Variants in AUTS2 observed in about 807,000 individuals in gnomAD.
The protein encoded by AUTS2 is autism susceptibility gene 2 protein.
In AUTS2, 17 loss-of-function variants were observed where a neutral mutation model predicts 112.4. The ratio of observed to expected loss-of-function variants is 0.15; its 90% CI spans 0.10 to 0.23. The LOEUF (loss-of-function observed/expected upper bound fraction) is 0.23, where lower values mean the gene tolerates loss of function less well. Among genes scored for constraint, AUTS2 ranks in the 10% least tolerant of loss-of-function variants. AUTS2 has a pLI of 1.00. For missense variants in AUTS2, 1,510 were observed against 1,701.6 expected (o/e 0.89, Z 1.98); for synonymous variants, 751 against 702.7 (o/e 1.07, Z -1.09).
At chr7:70,707,405 A>G (rs745943867) in intron 6 of AUTS2, among the ~76,000 whole-genome samples, 2 of 152,144 alleles carry the variant, frequency 1.3e-5, no homozygotes, top group Admixed American at 6.5e-5. Flanking sequence ...AGCTCGGTCC[A>G]GCTGACTCCT....
intron 5 of AUTS2, among the ~76,000 whole-genome samples, chr7:70,659,690 C>T (rs1390739239): frequency 6.6e-6 from 1 of 152,176 alleles, no homozygotes; most frequent in Non-Finnish European, 1.5e-5. Flanking sequence ...GATCAGAGTC[C>T]CTGCCTTTGT....
At chr7:70,577,522 A>G (rs62455827) in intron 5 of AUTS2, among the ~76,000 whole-genome samples, 5,095 of 152,294 alleles carry the variant, frequency 0.033, 199 homozygotes, top group Non-Finnish European at 0.041. Flanking sequence ...TGTAGGGAAT[A>G]TGTAAGTGAT....
At chr7:69,885,977 T>C (rs1048573826) in intron 1 of AUTS2, among the ~76,000 whole-genome samples, 1 of 152,206 alleles carries the variant, frequency 6.6e-6, no homozygotes. Flanking sequence ...CACAGAGATA[T>C]TTGAAAGGCT....
chr7:69,740,279 T>A (rs1787206857), intron 1 of AUTS2, among the ~76,000 whole-genome samples: 1 of 152,186 alleles, frequency 6.6e-6, no homozygotes, highest in Admixed American at 6.5e-5. Flanking sequence ...ACCAGCGTCA[T>A]TTAGACAGGA....
intron 5 of AUTS2, among the ~76,000 whole-genome samples, chr7:70,466,933 GGAT>G (rs1462824898): frequency 6.6e-6 from 1 of 152,152 alleles, no homozygotes; most frequent in East Asian, 1.9e-4. Context: ...AGGTGAGAGA[GGAT>G]GGTGACTCAG....
At chr7:70,458,259 A>G (rs1796824781) in intron 5 of AUTS2, among the ~76,000 whole-genome samples, 1 of 152,154 alleles carries the variant, frequency 6.6e-6, no homozygotes, top group Non-Finnish European at 1.5e-5. Context: ...CCACATTGCT[A>G]AACTTCTATA....
At chr7:69,664,950 G>T (rs1488742847) in intron 1 of AUTS2, among the ~76,000 whole-genome samples, 1 of 152,124 alleles carries the variant, frequency 6.6e-6, no homozygotes, top group Non-Finnish European at 1.5e-5. Context: ...GTTAGTTCTG[G>T]AATCAAAGGG....
intron 2 of AUTS2, among the ~76,000 whole-genome samples, chr7:69,919,931 A>C (rs935118409): frequency 6.6e-6 from 1 of 152,164 alleles, no homozygotes; most frequent in Non-Finnish European, 1.5e-5. Flanking sequence ...TGCTGTGCAC[A>C]TGGTTATTAG....
intron 1 of AUTS2, among the ~76,000 whole-genome samples, chr7:69,869,284 G>A (rs933599942): frequency 9.2e-5 from 14 of 152,078 alleles, no homozygotes; most frequent in African/African-American, 3.4e-4. Context: ...GAGAAAAGAT[G>A]TAAGTCCTAC....
At chr7:70,739,256 G>A (rs1193497886) in intron 6 of AUTS2, among the ~76,000 whole-genome samples, 2 of 151,592 alleles carry the variant, frequency 1.3e-5, no homozygotes, top group African/African-American at 2.4e-5. Context: ...TTGAACTCCT[G>A]GGCTCAAGCA....
intron 5 of AUTS2, among the ~76,000 whole-genome samples, chr7:70,553,555 G>C (rs925363243): frequency 1.3e-5 from 2 of 152,104 alleles, no homozygotes; most frequent in Non-Finnish European, 2.9e-5. Context: ...CTCTGTCTTT[G>C]TAGGCAATAC....
At chr7:70,465,436 CTG>C (rs1181053961) in intron 5 of AUTS2, among the ~76,000 whole-genome samples, 2 of 152,160 alleles carry the variant, frequency 1.3e-5, no homozygotes, top group Non-Finnish European at 1.5e-5. Flanking sequence ...TGGCCAGAAG[CTG>C]GAGAAATGTG....
At chr7:70,676,664 G>A (rs1807928101) in intron 5 of AUTS2, among the ~76,000 whole-genome samples, 1 of 151,996 alleles carries the variant, frequency 6.6e-6, no homozygotes, top group African/African-American at 2.4e-5. Flanking sequence ...ATCACTTGAG[G>A]TCAGGAGTTT....
At chr7:69,767,579 C>T (rs2129293873) in intron 1 of AUTS2, among the ~76,000 whole-genome samples, 1 of 152,324 alleles carries the variant, frequency 6.6e-6, no homozygotes, top group East Asian at 1.9e-4. Flanking sequence ...ATGAAGCTAT[C>T]AAGGACCAAA....
Position 70,461,342 on chromosome 7 carries a change from TC to T in AUTS2, c.690+25564del, listed in dbSNP as rs149220253. ...GCTTCCTGAATGTTTGAACTTACCC[TC>T]CCATTTAATCTTTAAACCATCCCTT... On this transcript the variant is annotated intron_variant, in intron 5 of 18. Coordinates refer to ENST00000342771, the MANE Select transcript of AUTS2 (RefSeq NM_015570.4). Among the ~76,000 whole-genome samples the T allele has an allele frequency of 9.2e-3, 1,400 of 152,256 alleles. 32 individuals carry two copies. Among genetic ancestry groups the T allele is most frequent in the African/African-American group, 0.032 (1,342 of 41,556 alleles).
intron 4 of AUTS2, among the ~76,000 whole-genome samples, chr7:70,181,230 G>A (rs575938165): frequency 3.3e-5 from 5 of 152,138 alleles, no homozygotes; most frequent in Admixed American, 6.5e-5. Context: ...TTGTTATTAC[G>A]AACAATGTTT....
chr7:70,101,415 C>A (rs1219581896), intron 2 of AUTS2, among the ~76,000 whole-genome samples: 1 of 151,436 alleles, frequency 6.6e-6, no homozygotes, highest in Non-Finnish European at 1.5e-5. Flanking sequence ...CTCCTTCCTT[C>A]TAAAAAGAGT....
chr7:70,415,483 A>G (rs1025741359), intron 4 of AUTS2, among the ~76,000 whole-genome samples: 1 of 152,226 alleles, frequency 6.6e-6, no homozygotes, highest in Non-Finnish European at 1.5e-5. Context: ...AATTGAAACT[A>G]GACCATCTGA....
At chr7:69,960,759 T>C (rs772592778) in intron 2 of AUTS2, among the ~76,000 whole-genome samples, 16 of 152,140 alleles carry the variant, frequency 1.1e-4, no homozygotes, top group Non-Finnish European at 2.1e-4. Flanking sequence ...ACCTGGAATG[T>C]CGTGTCCCTT....
Sources: gnomAD v4.1 joint callset for allele counts (sites outside exome capture counted in the v4.1 genomes callset) on GRCh38, gnomAD v4.1.1 for gene constraint, MANE v1.5 for transcripts, NCBI Gene and HGNC (gene_info 2026-07-23, HGNC 2026-07-21) for gene names.